Variants in PIK3C3 observed in about 807,000 individuals in gnomAD.
PIK3C3 encodes the protein PI3-kinase type 3.
In PIK3C3, 95 loss-of-function variants were observed where a neutral mutation model predicts 126.1. The observed-to-expected ratio is 0.75, with a 90% CI of 0.64 to 0.89. The LOEUF is 0.89. PIK3C3 is among the 40% of genes least tolerant of loss of function. PIK3C3 has a pLI of 0.00. For synonymous variants in PIK3C3, 374 were observed against 360.0 expected (o/e 1.04, Z -0.44); for missense variants, 829 against 1,063.2 (o/e 0.78, Z 3.06).
intron 8 of PIK3C3, 58 bp downstream of exon 8, chr18:41,996,052 C>A: frequency 1.8e-6 from 2 of 1,096,506 alleles, no homozygotes; most frequent in Non-Finnish European, 2.8e-6. Context: ...CTGGTTGAAA[C>A]TGATAGCTAT....
At chr18:42,056,780 A>C (rs950168892) in intron 21 of PIK3C3, among the ~76,000 whole-genome samples, 1 of 152,156 alleles carries the variant, frequency 6.6e-6, no homozygotes, top group Non-Finnish European at 1.5e-5. Context: ...TCATCAGTTC[A>C]TGGAAAACTG....
intron 13 of PIK3C3, among the ~76,000 whole-genome samples, chr18:42,024,279 A>G (rs1380852454): frequency 2.0e-5 from 3 of 152,184 alleles, no homozygotes; most frequent in African/African-American, 7.2e-5. Flanking sequence ...AGAGTGCTTT[A>G]GAATCTAGTT....
At chr18:42,042,617 A>C (rs921968350) in intron 19 of PIK3C3, among the ~76,000 whole-genome samples, 1 of 152,206 alleles carries the variant, frequency 6.6e-6, no homozygotes, top group Non-Finnish European at 1.5e-5. Flanking sequence ...TTCATTACTT[A>C]CATTGTTTTG....
chr18:41,981,235 G>T (rs1300619789), intron 4 of PIK3C3, among the ~76,000 whole-genome samples: 4 of 152,084 alleles, frequency 2.6e-5, no homozygotes, highest in Non-Finnish European at 5.9e-5. Context: ...AGAAGTTTTG[G>T]ATTTGTCTGG....
chr18:42,074,285 A>G (rs1598959276), intron 24 of PIK3C3, among the ~76,000 whole-genome samples: 1 of 152,084 alleles, frequency 6.6e-6, no homozygotes, highest in African/African-American at 2.4e-5. Flanking sequence ...CATAGCTAAT[A>G]CTCTTTTTGG....
chr18:42,009,994 C>G (rs1982744345), intron 10 of PIK3C3, among the ~76,000 whole-genome samples: 2 of 152,166 alleles, frequency 1.3e-5, no homozygotes, highest in African/African-American at 4.8e-5. Flanking sequence ...TTTGCCACAC[C>G]CATTGACTCT....
At chr18:41,956,215 A>T (rs1979764148) in intron 1 of PIK3C3, among the ~76,000 whole-genome samples, 1 of 152,206 alleles carries the variant, frequency 6.6e-6, no homozygotes. Context: ...GCAGTAAGTG[A>T]TAGATAAATT....
At chr18:42,045,621 G>A (rs1055421845) in intron 20 of PIK3C3, among the ~76,000 whole-genome samples, 1 of 152,170 alleles carries the variant, frequency 6.6e-6, no homozygotes, top group African/African-American at 2.4e-5. Flanking sequence ...GGGCTGGGAA[G>A]CTGGTACTAT....
chr18:41,962,359 A>G (rs1309406508), intron 2 of PIK3C3, 130 bp from the exon 3 acceptor site: 6 of 589,406 alleles, frequency 1.0e-5, no homozygotes, highest in African/African-American at 9.5e-5. Context: ...TGACTGCCAT[A>G]TTATTTTTTA....
chr18:41,976,122 A>G (rs1980908677), intron 4 of PIK3C3, among the ~76,000 whole-genome samples: 1 of 152,228 alleles, frequency 6.6e-6, no homozygotes, highest in Non-Finnish European at 1.5e-5. Flanking sequence ...GAAAATCAAG[A>G]TTAAGATAGC....
chr18:41,981,875 C>G (rs1333508432), intron 4 of PIK3C3, among the ~76,000 whole-genome samples: 1 of 150,862 alleles, frequency 6.6e-6, no homozygotes, highest in Non-Finnish European at 1.5e-5. Context: ...ACTCGGGAGG[C>G]TGAGGCAGGA....
intron 4 of PIK3C3, among the ~76,000 whole-genome samples, chr18:41,985,936 C>T (rs1981452186): frequency 6.6e-6 from 1 of 152,084 alleles, no homozygotes; most frequent in Non-Finnish European, 1.5e-5. Flanking sequence ...ACCACATTCT[C>T]CCACATCCAA....
At chr18:42,006,897 T>TCTGTCTCC (rs1567979880) in intron 10 of PIK3C3, among the ~76,000 whole-genome samples, 1 of 143,262 alleles carries the variant, frequency 7.0e-6, no homozygotes, top group African/African-American at 2.6e-5. Flanking sequence ...GGAGTCTTGC[T>TCTGTCTCC]CTGTCTCCTA....
intron 20 of PIK3C3, among the ~76,000 whole-genome samples, chr18:42,045,060 G>A (rs1050456616): frequency 3.9e-5 from 6 of 151,972 alleles, no homozygotes; most frequent in African/African-American, 1.2e-4. Flanking sequence ...AAATTTATTC[G>A]TGATGATACA....
At chr18:42,071,719 C>CAAA (rs200860046) in intron 24 of PIK3C3, among the ~76,000 whole-genome samples, 1 of 98,880 alleles carries the variant, frequency 1.0e-5, no homozygotes. Flanking sequence ...GATTCTGTCT[C>CAAA]AAAAAAAAAA....
At chr18:42,053,098 C>T (rs190489911) in intron 21 of PIK3C3, 117 of 152,180 alleles carry the variant, frequency 7.7e-4, no homozygotes, top group African/African-American at 2.7e-3. Flanking sequence ...GAAGGAGCCA[C>T]GCAGATTTCA....
intron 12 of PIK3C3, among the ~76,000 whole-genome samples, chr18:42,019,014 G>A (rs979457683): frequency 6.6e-6 from 1 of 151,930 alleles, no homozygotes; most frequent in Non-Finnish European, 1.5e-5. Flanking sequence ...TTTCCACTCT[G>A]TTCTTCATGC....
intron 10 of PIK3C3, among the ~76,000 whole-genome samples, chr18:42,009,616 CTACATTATGTAATG>C (rs1186623778): frequency 9.1e-4 from 135 of 147,780 alleles, no homozygotes; most frequent in African/African-American, 3.3e-3. Context: ...ATTATGTAGA[CTACATTATGTAATG>C]TACATTATGT....
chr18:42,070,730 C>G (rs1985739387), intron 24 of PIK3C3, among the ~76,000 whole-genome samples: 1 of 152,082 alleles, frequency 6.6e-6, no homozygotes, highest in Non-Finnish European at 1.5e-5. Flanking sequence ...TTGACTACTG[C>G]AAGGGTTGGT....
Sources: allele counts gnomAD v4.1 joint callset (sites outside exome capture counted in the v4.1 genomes callset), GRCh38; gene constraint gnomAD v4.1.1; transcripts MANE v1.5; gene names NCBI Gene and HGNC (gene_info 2026-07-23, HGNC 2026-07-21).